SOX5: variants seen among roughly 807,000 people sequenced by gnomAD.
The protein encoded by SOX5 is transcription factor SOX-5.
A neutral mutation model predicts 92.0 loss-of-function variants in SOX5; 9 were observed. The observed-to-expected ratio is 0.10, with a 90% CI of 0.06 to 0.17. The LOEUF is 0.17. Ranked by LOEUF, SOX5 falls within the 10% of genes least tolerant of loss-of-function variation. The pLI, the probability that SOX5 is intolerant of heterozygous loss-of-function variation, is 1.00. For synonymous variants in SOX5, 344 were observed against 336.3 expected, an observed-to-expected ratio of 1.02 and a Z score of -0.25; for missense variants, 642 against 944.5, an observed-to-expected ratio of 0.68 and a Z score of 4.20.
intron 6 of SOX5, among the ~76,000 whole-genome samples, chr12:23,671,091 G>GA (rs1325124144): frequency 6.6e-6 from 1 of 152,044 alleles, no homozygotes; most frequent in Non-Finnish European, 1.5e-5. Context: ...ACCAGACTGG[G>GA]AAAAACACAG....
chr12:24,533,162 T>C (rs1332051788), intron 1 of SOX5, among the ~76,000 whole-genome samples: 3 of 152,172 alleles, frequency 2.0e-5, no homozygotes, highest in Non-Finnish European at 4.4e-5. Context: ...AAGTTAAGAA[T>C]TTTTTGAAAG....
chr12:23,583,516 CTTTG>C (rs1212985801), intron 9 of SOX5, among the ~76,000 whole-genome samples: 1 of 152,080 alleles, frequency 6.6e-6, no homozygotes, highest in Non-Finnish European at 1.5e-5. Flanking sequence ...TCCAATTCAA[CTTTG>C]TTTAACCTCT....
At chr12:23,878,906 T>C (rs574525198) in intron 2 of SOX5, among the ~76,000 whole-genome samples, 1 of 152,250 alleles carries the variant, frequency 6.6e-6, no homozygotes, top group East Asian at 1.9e-4. Flanking sequence ...GTTTCAGGTG[T>C]CTGTGTCTGC....
intron 4 of SOX5, among the ~76,000 whole-genome samples, chr12:24,081,162 C>T (rs1592974182): frequency 6.6e-6 from 1 of 151,950 alleles, no homozygotes; most frequent in Non-Finnish European, 1.5e-5. Flanking sequence ...TCATTGGCTT[C>T]CCCATAACTC....
chr12:23,754,392 C>T (rs79730455), intron 4 of SOX5, among the ~76,000 whole-genome samples: 2,772 of 151,832 alleles, frequency 0.018, 91 homozygotes, highest in African/African-American at 0.064. Flanking sequence ...AAGGACCTGC[C>T]GCCTCTGAAG....
intron 1 of SOX5, among the ~76,000 whole-genome samples, chr12:23,908,880 C>T (rs1310648738): frequency 6.6e-6 from 1 of 152,000 alleles, no homozygotes; most frequent in Non-Finnish European, 1.5e-5. Flanking sequence ...TCCTATTTTT[C>T]TAGCTTGACC....
chr12:24,082,516 G>C (rs1478998753), intron 4 of SOX5, among the ~76,000 whole-genome samples: 1 of 144,740 alleles, frequency 6.9e-6, no homozygotes, highest in Non-Finnish European at 1.5e-5. Flanking sequence ...TTACAATTAA[G>C]ATTTTGATTT....
Position 24,140,968 on chromosome 12 carries a change from AAGAC to A in SOX5, c.-2+72371_-2+72374del, listed in dbSNP as rs930913382. On this transcript the variant is annotated intron_variant, in intron 4 of 4. Transcript: ENST00000446891. ...TTCTATCAAGTTACACATATTTTAA[AAGAC>A]AGTTTTTAAAAAATAACTAATCCTC... Among the ~76,000 whole-genome samples, 9 of 152,194 alleles carry A rather than the reference AAGAC, an allele frequency of 5.9e-5. No individual in the cohort carries two copies. In the East Asian group the frequency reaches 1.5e-3, roughly 26 times the overall value.
chr12:23,779,653 A>G (rs984043726), intron 3 of SOX5, among the ~76,000 whole-genome samples: 2 of 151,510 alleles, frequency 1.3e-5, no homozygotes, highest in Non-Finnish European at 2.9e-5. Flanking sequence ...TAAGGAAGAA[A>G]CATTAGCCTA....
intron 1 of SOX5, among the ~76,000 whole-genome samples, chr12:24,445,912 A>G (rs1596726979): frequency 1.3e-5 from 2 of 152,328 alleles, no homozygotes; most frequent in East Asian, 1.9e-4. Flanking sequence ...CAGACAGAAC[A>G]TATAATCTGA....
intron 1 of SOX5, among the ~76,000 whole-genome samples, chr12:24,375,301 C>G (rs1254737397): frequency 6.6e-6 from 1 of 152,038 alleles, no homozygotes; most frequent in East Asian, 1.9e-4. Context: ...ATTTTGCATC[C>G]TAGGCCCCTC....
At chr12:24,195,958 C>T (rs1385209676) in intron 4 of SOX5, among the ~76,000 whole-genome samples, 7 of 152,194 alleles carry the variant, frequency 4.6e-5, no homozygotes, top group Non-Finnish European at 7.3e-5. Context: ...TATCTTGGCT[C>T]ACTGCAACCT....
At chr12:24,344,698 G>A (rs1236058212) in intron 2 of SOX5, among the ~76,000 whole-genome samples, 1 of 152,202 alleles carries the variant, frequency 6.6e-6, no homozygotes, top group Non-Finnish European at 1.5e-5. Context: ...GGTCTCTTGT[G>A]AGAGCACGCC....
intron 8 of SOX5, among the ~76,000 whole-genome samples, chr12:23,635,493 G>A (rs1201295229): frequency 6.6e-6 from 1 of 151,902 alleles, no homozygotes; most frequent in East Asian, 1.9e-4. Flanking sequence ...ACAGGAAGGG[G>A]AACATCACAC....
chr12:23,959,108 G>A (rs924324652), intron 4 of SOX5, among the ~76,000 whole-genome samples: 2 of 151,720 alleles, frequency 1.3e-5, no homozygotes. Flanking sequence ...CTAATTTAAT[G>A]TATAAATGTA....
intron 4 of SOX5, among the ~76,000 whole-genome samples, chr12:23,973,856 G>T (rs1238345947): frequency 6.6e-6 from 1 of 152,136 alleles, no homozygotes; most frequent in African/African-American, 2.4e-5. Flanking sequence ...ACATGCGAGG[G>T]ATCTAGGTTG....
At chr12:23,915,319 G>A (rs752750115) in intron 1 of SOX5, among the ~76,000 whole-genome samples, 8 of 152,118 alleles carry the variant, frequency 5.3e-5, no homozygotes, top group East Asian at 1.9e-4. Flanking sequence ...GTTAGGATAC[G>A]ACACAATCTA....
intron 4 of SOX5, among the ~76,000 whole-genome samples, chr12:24,083,496 C>A (rs964322319): frequency 6.6e-6 from 1 of 152,004 alleles, no homozygotes; most frequent in African/African-American, 2.4e-5. Flanking sequence ...GGAAAACATA[C>A]AATTAAACAT....
Position 24,136,864 on chromosome 12 carries a change from C to T in SOX5, c.-2+76479G>A, listed in dbSNP as rs554569390. On this transcript the variant is annotated intron_variant, in intron 4 of 4. Transcript: ENST00000446891. ...ATGTATGCTATCTGTTGTATTCAGA[C>T]TGGACTGAAGGCCTTTGTTACACTT... is the stretch of plus-strand genomic sequence containing the variant. 2.6e-5 allele frequency among the ~76,000 whole-genome samples: 4 copies of T among 152,328 alleles called. No homozygotes were observed. The South Asian group carries it at 8.3e-4, about 32-fold the overall frequency.
Sources: allele counts gnomAD v4.1 joint callset (sites outside exome capture counted in the v4.1 genomes callset), GRCh38; gene constraint gnomAD v4.1.1; transcripts MANE v1.5; gene names NCBI Gene and HGNC (gene_info 2026-07-23, HGNC 2026-07-21).